The following LRP4 variants were observed in gnomAD, a reference collection of about 807,000 sequenced individuals.
LRP4 encodes LDL receptor related protein 4.
In LRP4, 95 loss-of-function variants were observed where a neutral mutation model predicts 220.3. The observed-to-expected ratio is 0.43, with a 90% CI of 0.37 to 0.51. The LOEUF (loss-of-function observed/expected upper bound fraction) is 0.51, where lower values mean the gene tolerates loss of function less well. Among genes scored for constraint, LRP4 ranks in the 20% least tolerant of loss-of-function variants. The pLI, the probability that LRP4 is intolerant of heterozygous loss-of-function variation, is 0.00. For synonymous variants in LRP4, 903 were observed against 954.6 expected (o/e 0.95, Z 1.00); for missense variants, 1,925 against 2,567.0 (o/e 0.75, Z 5.40).
chr11:46,913,840 AC>A (rs1941907074), intron 1 of LRP4, among the ~76,000 whole-genome samples: 1 of 152,138 alleles, frequency 6.6e-6, no homozygotes, highest in Non-Finnish European at 1.5e-5. Flanking sequence ...AGCTTAGCAG[AC>A]TTCTTTTCTA....
At position 46,875,120 on chromosome 11, in the gene LRP4, C is replaced by T. The variant is rs372614639; in HGVS notation, c.3926-17G>A. On this transcript the variant is annotated splice_polypyrimidine_tract_variant and intron_variant, in intron 27 of 37. Transcript: ENST00000378623. The surrounding 1 kb of genome is among the most constrained non-coding windows in gnomAD (Gnocchi z 4.5). Reference sequence around the variant, plus strand: ...TGTTAAAACCTGGTGATGAGAAGCACAAGTATTCACACCTAGCCTGGAACA... The same window carrying T: ...TGTTAAAACCTGGTGATGAGAAGCATAAGTATTCACACCTAGCCTGGAACA... 17 of 1,608,936 alleles carry T rather than the reference C, an allele frequency of 1.1e-5. No homozygotes were observed. The highest frequency in any genetic ancestry group is 1.3e-5 in the African/African-American group (1 of 74,964).
intron 11 of LRP4, 132 bp from the exon 12 acceptor site, chr11:46,894,951 C>A: frequency 1.9e-6 from 2 of 1,031,886 alleles, no homozygotes; most frequent in Non-Finnish European, 3.0e-6. Context: ...GCATCAGTAC[C>A]AGAAGAGTGG....
intron 19 of LRP4, among the ~76,000 whole-genome samples, chr11:46,883,646 C>T (rs1565788579): frequency 6.6e-6 from 1 of 152,204 alleles, no homozygotes; most frequent in Non-Finnish European, 1.5e-5. Flanking sequence ...TTACTTCACA[C>T]CTCTATAGTT....
rs2134765636 is a variant in LRP4, at chr11:46,864,529, C to T, written c.5162G>A (p.Gly1721Glu). The change falls in exon 36 of 38, where the codon GGA becomes GAA. Residue 1721 changes from glycine to glutamate, a missense_variant. Transcript: ENST00000378623. ...NDAVPAAPGEGLHISYAIGGL... is the reference protein window; with the variant it reads ...NDAVPAAPGEELHISYAIGGL... ...ACCAATGGCGTAGCTGATATGAAGT[C>T]CTTCCCCTAGGAAGAATAGAGAAAC... is the stretch of plus-strand genomic sequence containing the variant. 6.2e-7 allele frequency: 1 copy of T among 1,610,668 alleles called. No individual in the cohort carries two copies. The highest frequency in any genetic ancestry group is 8.5e-7 in the Non-Finnish European group (1 of 1,176,950).
chr11:46,860,188 TCATG>T (rs1188284610), intron 37 of LRP4, among the ~76,000 whole-genome samples: 2 of 145,432 alleles, frequency 1.4e-5, no homozygotes, highest in African/African-American at 5.2e-5. Flanking sequence ...TGAGCCAAGA[TCATG>T]CCACTGCACT....
In LRP4 at chr11:46,871,519, C is replaced by T. The variant is rs968178243; in HGVS notation, c.4692+6G>A. 2 of 1,598,582 alleles carry T rather than the reference C, an allele frequency of 1.3e-6. No individual in the cohort carries two copies. The highest frequency in any genetic ancestry group is 1.7e-6 in the Non-Finnish European group (2 of 1,167,342). ...AGGTTTAGTTACCTCTCTCCTGAGC[C>T]AGTACCTGTGTGAGGGCAAAGGGGT... On this transcript the variant is annotated splice_donor_region_variant and intron_variant, in intron 31 of 37. Coordinates refer to ENST00000378623, the MANE Select transcript of LRP4 (RefSeq NM_002334.4).
chr11:46,908,263 C>T (rs752244173), intron 1 of LRP4, among the ~76,000 whole-genome samples: 12 of 152,110 alleles, frequency 7.9e-5, no homozygotes, highest in East Asian at 1.9e-4. Flanking sequence ...AGGTGCCCTC[C>T]GAGTACTTTT....
rs745869587 is a variant in LRP4 at position 46,902,820 on chromosome 11, G to C, written c.162C>G (p.Asp54Glu). The C allele has an allele frequency of 1.9e-6, 3 of 1,613,994 alleles. No homozygotes were observed. The Admixed American group carries it at 5.0e-5, about 27-fold the overall frequency. ...CATCGCTGTGGTCCCCGCAGTCATT[G>C]TCTCCATCACACTGCCACTGGGCAG... Reference protein sequence around the residue: ...CIPAQWQCDGDNDCGDHSDED... With the variant: ...CIPAQWQCDGENDCGDHSDED... Residue 54 changes from aspartate to glutamate, a missense_variant, in exon 2 of 38, where the codon GAC (aspartate) becomes GAG (glutamate). Physicochemically the swap from Asp to Glu is conservative, Grantham distance 45. Coordinates refer to ENST00000378623, the MANE Select transcript of LRP4 (RefSeq NM_002334.4).
chr11:46,893,923 G>A (rs1369230631), intron 12 of LRP4, among the ~76,000 whole-genome samples: 6 of 134,598 alleles, frequency 4.5e-5, no homozygotes, highest in South Asian at 2.3e-4. Flanking sequence ...TTTTTGAGAC[G>A]GAGTTTTGCC....
At chr11:46,860,305 T>C (rs1306094024) in intron 37 of LRP4, among the ~76,000 whole-genome samples, 4 of 151,016 alleles carry the variant, frequency 2.6e-5, no homozygotes, top group African/African-American at 9.7e-5. Flanking sequence ...GTCCTAAACG[T>C]CAATATAGTG....
chr11:46,868,366 GGACCTGGGAATCAAGA>G (rs1232993118), intron 33 of LRP4, among the ~76,000 whole-genome samples: 1 of 152,170 alleles, frequency 6.6e-6, no homozygotes, highest in Non-Finnish European at 1.5e-5. Context: ...CCCACAGCAG[GGACCTGGGAATCAAGA>G]GACCTGAATT....
Position 46,918,147 on chromosome 11 carries a change from C to T in LRP4, c.52+181G>A, listed in dbSNP as rs1941980046. 6.6e-6 allele frequency among the ~76,000 whole-genome samples: 1 copy of T among 151,982 alleles called. No homozygotes were observed. The highest frequency in any genetic ancestry group is 1.5e-5 in the Non-Finnish European group (1 of 67,946). Reference sequence around the variant, plus strand: ...CCGCGGAAGCGCCTCCGCTGATGCCCCCGCTCGGACTGCTGGAGCCGGGGC... The same window carrying T: ...CCGCGGAAGCGCCTCCGCTGATGCCTCCGCTCGGACTGCTGGAGCCGGGGC... On this transcript the variant is annotated intron_variant, in intron 1 of 37. Transcript: ENST00000378623. The surrounding 1 kb of genome is among the most constrained non-coding windows in gnomAD (Gnocchi z 6.0).
Position 46,893,048 on chromosome 11 carries a change from T to A in LRP4, c.1622A>T (p.Asp541Val), listed in dbSNP as rs777219630. 6 of 1,613,948 alleles carry A rather than the reference T, an allele frequency of 3.7e-6. No homozygotes were observed. The Admixed American group carries it at 6.7e-5, about 18-fold the overall frequency. Reference protein sequence around the residue: ...GTSRIEVANLDGAHRKVLLWQ... With the variant: ...GTSRIEVANLVGAHRKVLLWQ... ...CAGCAACACTTTCCGGTGGGCCCCA[T>A]CCAGATTGGCCACCTCAATCCTCGA... The change falls in exon 13 of 38, where the codon GAT (aspartate) becomes GTT (valine). Residue 541 changes from aspartate to valine, a missense_variant. By Grantham distance (152) the Asp-to-Val change is radical (BLOSUM62 -3). Transcript: ENST00000378623.
chr11:46,902,785 C>A lies in LRP4; in HGVS notation c.197G>T (p.Cys66Phe). Reference sequence around the variant, plus strand: ...ACTGCCTCTGGGGAGGTACTTACTACATCCATCCTCATCGCTGTGGTCCCC... The same window carrying A: ...ACTGCCTCTGGGGAGGTACTTACTAAATCCATCCTCATCGCTGTGGTCCCC... ...DCGDHSDEDG[C>F]ILPTCSPLDF... Residue 66 changes from cysteine to phenylalanine, a missense_variant and splice_region_variant, in exon 2 of 38, where the codon TGT (cysteine) becomes TTT (phenylalanine). Around this residue, in one of 3 missense-constraint regions of LRP4, gnomAD observed 412 missense variants for 505.4 expected, o/e 0.82. Coordinates refer to ENST00000378623, the MANE Select transcript of LRP4 (RefSeq NM_002334.4). 1 of 1,614,094 alleles carries A rather than the reference C, an allele frequency of 6.2e-7. No homozygotes were observed. Among genetic ancestry groups the A allele is most frequent in the Non-Finnish European group, 8.5e-7 (1 of 1,180,042 alleles).
At chr11:46,917,617 G>A (rs1380590042) in intron 1 of LRP4, among the ~76,000 whole-genome samples, 1 of 152,158 alleles carries the variant, frequency 6.6e-6, no homozygotes, top group Non-Finnish European at 1.5e-5. Context: ...GGGCAGATCT[G>A]CGGGAGCCTT....
chr11:46,910,463 T>A lies in LRP4; in HGVS notation c.53-7534A>T, dbSNP rs1001653996. On this transcript the variant is annotated intron_variant, in intron 1 of 37. Coordinates refer to ENST00000378623, the MANE Select transcript of LRP4 (RefSeq NM_002334.4). ...AATAAATAATAGCTCTTGTTATTAC[T>A]ATTAAAGATTTGGCTTACCCCAGAA... Among the ~76,000 whole-genome samples the A allele has an allele frequency of 3.3e-5, 5 of 152,212 alleles. 1 individual carries two copies. The highest frequency in any genetic ancestry group is 1.3e-4 in the Admixed American group (2 of 15,288).
At chr11:46,879,423 T>C (rs1441332569) in intron 20 of LRP4, 108 bp from the exon 21 acceptor site, 6 of 1,075,926 alleles carry the variant, frequency 5.6e-6, no homozygotes, top group Admixed American at 1.9e-5. Flanking sequence ...TAACACCTAC[T>C]GGGTGACCTC....
At chr11:46,888,548 C>CAA (rs71042635) in intron 16 of LRP4, among the ~76,000 whole-genome samples, 2,412 of 31,230 alleles carry the variant, frequency 0.077, 287 homozygotes, top group Middle Eastern at 0.14. Context: ...AAAACTGTCT[C>CAA]AAAAAAAAAA....
intron 2 of LRP4, among the ~76,000 whole-genome samples, chr11:46,902,059 G>A (rs1941675890): frequency 6.7e-6 from 1 of 150,100 alleles, no homozygotes; most frequent in African/African-American, 2.4e-5. Flanking sequence ...TTCTTACAAA[G>A]TTACTAAGAA....
Sources: allele counts gnomAD v4.1 joint callset (sites outside exome capture counted in the v4.1 genomes callset), GRCh38; gene constraint gnomAD v4.1.1; regional missense constraint gnomAD v4.1.1; non-coding constraint Gnocchi (gnomAD v3.1); transcripts MANE v1.5; gene names NCBI Gene and HGNC (gene_info 2026-07-23, HGNC 2026-07-21).